Variants in THAP9 observed in about 807,000 individuals in gnomAD.
THAP9 encodes the protein THAP domain containing 9.
A neutral mutation model predicts 35.7 loss-of-function variants in THAP9; 20 were observed. The observed-to-expected ratio is 0.56, with a 90% CI of 0.39 to 0.81. The LOEUF is 0.81. Among genes scored for constraint, THAP9 ranks in the 40% least tolerant of loss-of-function variants. THAP9 has a pLI of 0.00. For missense variants in THAP9, 870 were observed against 1,047.4 expected (o/e 0.83, Z 2.34); for synonymous variants, 335 against 373.7 (o/e 0.90, Z 1.19).
Position 82,919,026 on chromosome 4 carries a change from CAA to C in THAP9, c.*103_*104del, listed in dbSNP as rs976745817. 2.1e-6 allele frequency: 2 copies of C among 935,200 alleles called. No homozygotes were observed. Among genetic ancestry groups the C allele is most frequent in the Non-Finnish European group, 3.1e-6 (2 of 640,182 alleles). The allele number at this position is 935,200 out of a possible 1,614,324, so 57.9% of individuals were successfully genotyped here. On this transcript the variant is annotated 3_prime_UTR_variant, in exon 5 of 5. Transcript: ENST00000302236. ...TAAATTGCGCATTCTGCACAGTGGA[CAA>C]GTTTGCAATTCTGACTTATTAAAAT...
chr4:82,915,506 C>A (rs1963498), intron 4 of THAP9, among the ~76,000 whole-genome samples: 1 of 152,052 alleles, frequency 6.6e-6, no homozygotes, highest in East Asian at 1.9e-4. Flanking sequence ...ATTTGCCCAC[C>A]TCAGCCTCCC....
At chr4:82,905,705 G>A (rs1005448126) in intron 2 of THAP9, among the ~76,000 whole-genome samples, 2 of 152,152 alleles carry the variant, frequency 1.3e-5, no homozygotes, top group South Asian at 4.1e-4. Flanking sequence ...TACTATATAT[G>A]TGATAAATTT....
chr4:82,918,170 TA>T lies in THAP9; in HGVS notation c.1960del (p.Ser654AlafsTer3). On this transcript the variant is annotated frameshift_variant, in exon 5 of 5. Transcript: ENST00000302236. LOFTEE classifies it low-confidence loss of function (END_TRUNC). ...TACAAATTTCAAGATGAAGTTTTTC[TA>T]AGCAAAGTAAGCATCTTTGACATTT... ...TRYKFQDEVF[L>X]SKVSIFDISI... is the part of the protein sequence containing the mutation. 1 of 1,614,204 alleles carries T rather than the reference TA, an allele frequency of 6.2e-7. No individual in the cohort carries two copies. Among genetic ancestry groups the T allele is most frequent in the Non-Finnish European group, 8.5e-7 (1 of 1,179,998 alleles).
At chr4:82,901,115 C>T (rs574511625) in intron 1 of THAP9, 9 of 695,338 alleles carry the variant, frequency 1.3e-5, no homozygotes, top group African/African-American at 1.1e-4. Context: ...CCGCCTACCG[C>T]TTTAAGGAGA....
chr4:82,915,917 A>G (rs929675195), intron 4 of THAP9, among the ~76,000 whole-genome samples: 6 of 152,164 alleles, frequency 3.9e-5, no homozygotes, highest in African/African-American at 1.4e-4. Context: ...TGTGTGTCAT[A>G]TATGTGTAAG....
chr4:82,918,016 C>G lies in THAP9; in HGVS notation c.1804C>G (p.Leu602Val), dbSNP rs770742348. 2.5e-6 allele frequency: 4 copies of G among 1,613,996 alleles called. No individual in the cohort carries two copies. The South Asian group carries it at 4.4e-5, about 18-fold the overall frequency. ...VFPKVMPFPY[L>V]LTYKFSHDHL... ...CCCAAAGGTCATGCCTTTTCCTTATCTTCTGACTTACAAATTCAGTCATGA... is the reference window on the plus strand; with the variant it reads ...CCCAAAGGTCATGCCTTTTCCTTATGTTCTGACTTACAAATTCAGTCATGA... The change falls in exon 5 of 5, where the codon CTT (leucine) becomes GTT (valine). Residue 602 changes from leucine (L) to valine (V), a missense_variant. By Grantham distance (32) the Leu-to-Val change is conservative. Around this residue, in one of 3 missense-constraint regions of THAP9, gnomAD observed 414 missense variants for 500.8 expected, o/e 0.83. Coordinates refer to ENST00000302236, the MANE Select transcript of THAP9 (RefSeq NM_024672.6).
At position 82,919,823 on chromosome 4, in the gene THAP9, T is replaced by G. The variant is rs1721178821; in HGVS notation, c.*899T>G. On this transcript the variant is annotated 3_prime_UTR_variant, in exon 5 of 5. Transcript: ENST00000302236. ...TAACGGATAGAAGAAACAAGCACATTATTCACCTGTGTTGTAAAACATCTA... is the reference window on the plus strand; with the variant it reads ...TAACGGATAGAAGAAACAAGCACATGATTCACCTGTGTTGTAAAACATCTA... 6.6e-6 allele frequency: 1 copy of G among 152,220 alleles called. No individual in the cohort carries two copies. Among genetic ancestry groups the G allele is most frequent in the South Asian group, 2.1e-4 (1 of 4,830 alleles). 9.4% of individuals were successfully genotyped at this position (152,220 alleles called of 1,614,324 possible).
At chr4:82,912,991 G>T (rs28531938) in intron 4 of THAP9, among the ~76,000 whole-genome samples, 2 of 151,906 alleles carry the variant, frequency 1.3e-5, no homozygotes, top group East Asian at 3.9e-4. Flanking sequence ...ATTATATCTA[G>T]GTATGTATAC....
In THAP9 at chr4:82,919,876, C is replaced by G. The variant is rs147227096; in HGVS notation, c.*952C>G. 5 of 152,094 alleles carry G rather than the reference C, an allele frequency of 3.3e-5. No homozygotes were observed. The East Asian group carries it at 9.6e-4, about 29-fold the overall frequency. 9.4% of individuals were successfully genotyped at this position (152,094 alleles called of 1,614,324 possible). On this transcript the variant is annotated 3_prime_UTR_variant, in exon 5 of 5. Coordinates refer to ENST00000302236, the MANE Select transcript of THAP9 (RefSeq NM_024672.6). ...CTTTTTTGTCACTGAATAAGTGTTC[C>G]CAAAGTACAGTTAATCCTAATATGA...
At chr4:82,916,226 A>G (rs918857546) in intron 4 of THAP9, among the ~76,000 whole-genome samples, 1 of 152,228 alleles carries the variant, frequency 6.6e-6, no homozygotes, top group African/African-American at 2.4e-5. Context: ...TTCCTGATCT[A>G]TAACAAGTTA....
intron 2 of THAP9, 110 bp from the exon 3 acceptor site, chr4:82,906,210 CCTAA>C (rs1273117074): frequency 1.6e-5 from 14 of 857,114 alleles, no homozygotes; most frequent in Non-Finnish European, 2.3e-5. Flanking sequence ...CCTTTTCTTT[CCTAA>C]CTAACTCTCC....
intron 1 of THAP9, among the ~76,000 whole-genome samples, chr4:82,904,058 C>CTTTT (rs59655406): frequency 7.8e-4 from 64 of 82,182 alleles, no homozygotes; most frequent in Admixed American, 1.1e-3. Context: ...TAGGCTCCCC[C>CTTTT]TTTTTTTTTT....
Position 82,917,679 on chromosome 4 carries a change from A to G in THAP9, c.1467A>G (p.Ala489=), listed in dbSNP as rs1053643548. The G allele has an allele frequency of 1.1e-5, 17 of 1,612,936 alleles. No individual in the cohort carries two copies. The highest frequency in any genetic ancestry group is 1.7e-5 in the Admixed American group (1 of 59,892). ...TCTTTAGTGAGAGTGTAGCCAGTGC[A>G]TTAGAATATTTGTTATCCTTAGACC... ...TQLFSESVAS[A]LEYLLSLDLP... is the part of the protein sequence containing the mutation. The change falls in exon 5 of 5, where the codon GCA becomes GCG. Residue 489 remains alanine (A), a synonymous_variant. Transcript: ENST00000302236.
chr4:82,900,872 T>G lies in THAP9; in HGVS notation c.70T>G (p.Ser24Ala), dbSNP rs1560689472. 13 of 1,613,400 alleles carry G rather than the reference T, an allele frequency of 8.1e-6. No homozygotes were observed. The highest frequency in any genetic ancestry group is 1.0e-5 in the Non-Finnish European group (12 of 1,179,996). Residue 24 changes from serine (S) to alanine (A), a missense_variant, in exon 1 of 5, where the codon TCC (serine) becomes GCC (alanine). This residue lies in a region of THAP9 where 440 missense variants were observed against 501.2 expected (regional missense o/e 0.88). Coordinates refer to ENST00000302236, the MANE Select transcript of THAP9 (RefSeq NM_024672.6). ...CGTGCTCAGCCGGGAGCGCGGCCTC[T>G]CCTTCCACCAGTGCGTATGGGAGCA... is the stretch of plus-strand genomic sequence containing the variant. The part of the protein sequence containing the change: ...DTVLSRERGL[S>A]FHQFPTDTIQ...
At chr4:82,911,012 CT>C (rs1233913296) in intron 4 of THAP9, among the ~76,000 whole-genome samples, 7 of 152,052 alleles carry the variant, frequency 4.6e-5, no homozygotes, top group Non-Finnish European at 8.8e-5. Flanking sequence ...AGAGAAGGGT[CT>C]GTAGGTAGAA....
intron 2 of THAP9, chr4:82,906,028 G>C: frequency 2.3e-6 from 1 of 439,980 alleles, no homozygotes; most frequent in South Asian, 1.7e-5. Flanking sequence ...TACCTTCTAA[G>C]AACTGCTTAA....
chr4:82,904,058 C>CTTTTTTTTTTTTTTTTTTTTT (rs59655406), intron 1 of THAP9, among the ~76,000 whole-genome samples: 1 of 82,210 alleles, frequency 1.2e-5, no homozygotes, highest in Non-Finnish European at 2.4e-5. Context: ...TAGGCTCCCC[C>CTTTTTTTTTTTTTTTTTTTTT]TTTTTTTTTT....
chr4:82,909,356 GA>G (rs1560695057), intron 4 of THAP9, among the ~76,000 whole-genome samples: 1 of 151,946 alleles, frequency 6.6e-6, no homozygotes, highest in Non-Finnish European at 1.5e-5. Context: ...ATTTAAAGAG[GA>G]AAAATTTATT....
In THAP9 at chr4:82,917,489, T is replaced by G; in HGVS notation, c.1277T>G (p.Phe426Cys). 1 of 1,613,408 alleles carries G rather than the reference T, an allele frequency of 6.2e-7. No individual in the cohort carries two copies. The highest frequency in any genetic ancestry group is 8.5e-7 in the Non-Finnish European group (1 of 1,179,344). Residue 426 changes from phenylalanine to cysteine, a missense_variant, in exon 5 of 5, where the codon TTT (phenylalanine) becomes TGT (cysteine). Physicochemically the swap from Phe to Cys is radical, Grantham distance 205. This residue lies in a region of THAP9 where 440 missense variants were observed against 501.2 expected (regional missense o/e 0.88). Coordinates refer to ENST00000302236, the MANE Select transcript of THAP9 (RefSeq NM_024672.6). ...CHLLRLIRNA[F>C]QNFQSIQFIN... ...TTGCTAAGATTAATAAGAAATGCAT[T>G]TCAGAATTTTCAAAGCATTCAGTTT...
Sources: gnomAD v4.1 joint callset for allele counts (sites outside exome capture counted in the v4.1 genomes callset) on GRCh38, gnomAD v4.1.1 for gene constraint, gnomAD v4.1.1 regional missense constraint, MANE v1.5 for transcripts, NCBI Gene and HGNC (gene_info 2026-07-23, HGNC 2026-07-21) for gene names.